The following ARNT2 variants were observed in gnomAD, a reference collection of about 807,000 sequenced individuals.
The protein encoded by ARNT2 is ARNT protein 2.
In ARNT2, 36 loss-of-function variants were observed where a neutral mutation model predicts 91.7. The observed-to-expected ratio is 0.39, with a 90% CI of 0.30 to 0.52. The LOEUF (loss-of-function observed/expected upper bound fraction) is 0.52, where lower values mean the gene tolerates loss of function less well. Ranked by LOEUF, ARNT2 falls within the 20% of genes least tolerant of loss-of-function variation. The pLI, the probability that ARNT2 is intolerant of heterozygous loss-of-function variation, is 0.72. For missense variants in ARNT2, 775 were observed against 939.3 expected (o/e 0.83, Z 2.29); for synonymous variants, 365 against 347.1 (o/e 1.05, Z -0.57).
intron 1 of ARNT2, among the ~76,000 whole-genome samples, chr15:80,438,934 C>T (rs1896141349): frequency 6.6e-6 from 1 of 152,210 alleles, no homozygotes; most frequent in Admixed American, 6.5e-5. Flanking sequence ...CGTGATCCGC[C>T]CATCTCGGCC....
At chr15:80,558,529 G>T (rs928455292) in intron 11 of ARNT2, among the ~76,000 whole-genome samples, 2 of 151,876 alleles carry the variant, frequency 1.3e-5, no homozygotes, top group Non-Finnish European at 2.9e-5. Context: ...TAGTGGAGAT[G>T]GGGTTTCACC....
chr15:80,449,099 A>G (rs1368952532), intron 1 of ARNT2, among the ~76,000 whole-genome samples: 2 of 152,258 alleles, frequency 1.3e-5, no homozygotes, highest in East Asian at 3.8e-4. Context: ...TATTTATGAT[A>G]TACTGGGATA....
chr15:80,443,077 G>A, intron 1 of ARNT2: 1 of 966,368 alleles, frequency 1.0e-6, no homozygotes, highest in Non-Finnish European at 1.2e-6. Flanking sequence ...GTAGGGGAGG[G>A]GTTGTTCAGA....
intron 2 of ARNT2, 114 bp downstream of exon 2, chr15:80,451,108 G>T (rs1896382543): frequency 1.9e-6 from 2 of 1,063,388 alleles, no homozygotes; most frequent in Admixed American, 2.6e-5. Flanking sequence ...TCAGCAGTTT[G>T]CATCCTGTTT....
intron 5 of ARNT2, among the ~76,000 whole-genome samples, chr15:80,487,075 G>A (rs1165250112): frequency 6.6e-6 from 1 of 152,166 alleles, no homozygotes; most frequent in East Asian, 1.9e-4. Context: ...TCCCTGATAT[G>A]GCAGGGCTTG....
chr15:80,546,190 A>G (rs1214145248), intron 8 of ARNT2, among the ~76,000 whole-genome samples: 1 of 152,206 alleles, frequency 6.6e-6, no homozygotes, highest in African/African-American at 2.4e-5. Flanking sequence ...AGTTAGTACA[A>G]TGATTCTGTG....
intron 3 of ARNT2, among the ~76,000 whole-genome samples, chr15:80,469,608 T>TTG (rs746046725): frequency 2.0e-5 from 3 of 151,794 alleles, no homozygotes; most frequent in African/African-American, 7.3e-5. Flanking sequence ...GTAACCACAT[T>TTG]TGTGTGTGTG....
At chr15:80,429,501 T>C (rs1895979644) in intron 1 of ARNT2, among the ~76,000 whole-genome samples, 1 of 152,234 alleles carries the variant, frequency 6.6e-6, no homozygotes, top group Non-Finnish European at 1.5e-5. Flanking sequence ...TCGCCTGCCC[T>C]GTGCATGTCT....
chr15:80,533,592 TG>T (rs796902274), intron 8 of ARNT2, among the ~76,000 whole-genome samples: 1 of 152,146 alleles, frequency 6.6e-6, no homozygotes, highest in Non-Finnish European at 1.5e-5. Flanking sequence ...AAGTGAGACA[TG>T]GGGGAGAAGC....
chr15:80,446,999 G>C (rs1246146028), intron 1 of ARNT2, among the ~76,000 whole-genome samples: 1 of 152,056 alleles, frequency 6.6e-6, no homozygotes, highest in African/African-American at 2.4e-5. Context: ...CACATGCATT[G>C]GGAGAAAATT....
chr15:80,439,985 C>A (rs773408194), intron 1 of ARNT2, among the ~76,000 whole-genome samples: 8 of 152,192 alleles, frequency 5.3e-5, no homozygotes, highest in Non-Finnish European at 1.2e-4. Context: ...ACCAGCAACC[C>A]ATGCCTTGCA....
At chr15:80,422,822 T>C (rs1243661978) in intron 1 of ARNT2, among the ~76,000 whole-genome samples, 1 of 152,212 alleles carries the variant, frequency 6.6e-6, no homozygotes, top group Admixed American at 6.5e-5. Context: ...ATATTAAATA[T>C]TTCTACACTT....
At chr15:80,479,898 G>A (rs1595980664) in intron 5 of ARNT2, among the ~76,000 whole-genome samples, 1 of 152,228 alleles carries the variant, frequency 6.6e-6, no homozygotes, top group African/African-American at 2.4e-5. Flanking sequence ...TTCAGAAAGA[G>A]AAGATTCCCT....
At chr15:80,463,929 G>A (rs572578391) in intron 3 of ARNT2, among the ~76,000 whole-genome samples, 23 of 152,184 alleles carry the variant, frequency 1.5e-4, no homozygotes, top group African/African-American at 4.8e-4. Context: ...ACCTTGATGT[G>A]TTTCTTACCA....
At chr15:80,568,997 C>A (rs967163287) in intron 12 of ARNT2, among the ~76,000 whole-genome samples, 1 of 152,202 alleles carries the variant, frequency 6.6e-6, no homozygotes, top group African/African-American at 2.4e-5. Flanking sequence ...CTGCCCTGAT[C>A]GAATCAATTC....
intron 3 of ARNT2, among the ~76,000 whole-genome samples, chr15:80,464,909 G>A (rs1292637902): frequency 1.3e-5 from 2 of 152,202 alleles, no homozygotes; most frequent in Non-Finnish European, 2.9e-5. Context: ...GGACTCATGT[G>A]TAGACCCCCA....
rs192204651 is a variant in ARNT2, at chr15:80,593,703, G to A, written c.*5G>A. 64 of 1,597,308 alleles carry A rather than the reference G, an allele frequency of 4.0e-5. No individual in the cohort carries two copies. The highest frequency in any genetic ancestry group is 1.7e-4 in the Admixed American group (10 of 58,558). On this transcript the variant is annotated 3_prime_UTR_variant, in exon 19 of 19. Transcript: ENST00000303329. Reference sequence around the variant, plus strand: ...TTTCCACCGTTTTCTGAGTAGCTGCGGCCAGAGTGAGGCTCCTGCTGTACA... The same window carrying A: ...TTTCCACCGTTTTCTGAGTAGCTGCAGCCAGAGTGAGGCTCCTGCTGTACA...
chr15:80,546,097 T>C (rs182302337), intron 8 of ARNT2, among the ~76,000 whole-genome samples: 1 of 152,218 alleles, frequency 6.6e-6, no homozygotes, highest in Non-Finnish European at 1.5e-5. Context: ...AGTAAGTGAT[T>C]GAGTTTTGCT....
intron 8 of ARNT2, among the ~76,000 whole-genome samples, chr15:80,530,829 C>T (rs892499603): frequency 1.3e-5 from 2 of 152,112 alleles, no homozygotes; most frequent in African/African-American, 4.8e-5. Context: ...AAAATTAGTC[C>T]CCGTAGATAC....
Sources: gnomAD v4.1 joint callset for allele counts (sites outside exome capture counted in the v4.1 genomes callset) on GRCh38, gnomAD v4.1.1 for gene constraint, MANE v1.5 for transcripts, NCBI Gene and HGNC (gene_info 2026-07-23, HGNC 2026-07-21) for gene names.